CALCRL: variants seen among roughly 807,000 people sequenced by gnomAD.
The protein encoded by CALCRL is calcitonin receptor like receptor, also known as calcitonin gene-related peptide type 1 receptor.
Under a neutral mutation model 60.4 loss-of-function variants are expected in CALCRL, and 27 were observed. That is an observed-to-expected ratio of 0.45 (90% CI 0.33 to 0.62). CALCRL has a LOEUF of 0.62. Ranked by LOEUF, CALCRL falls within the 20% of genes least tolerant of loss-of-function variation. The pLI is 0.03. For missense variants in CALCRL, 424 were observed against 540.7 expected (o/e 0.78, Z 2.14); for synonymous variants, 190 against 182.6 (o/e 1.04, Z -0.33).
At chr2:187,379,649 G>T (rs1207135354) in intron 7 of CALCRL, among the ~76,000 whole-genome samples, 1 of 152,046 alleles carries the variant, frequency 6.6e-6, no homozygotes, top group Non-Finnish European at 1.5e-5. Flanking sequence ...TGAATAAGCT[G>T]GGAATATGTT....
At chr2:187,401,818 TG>T (rs1478123529) in intron 1 of CALCRL, among the ~76,000 whole-genome samples, 13 of 151,460 alleles carry the variant, frequency 8.6e-5, no homozygotes, top group African/African-American at 2.7e-4. Context: ...CAAGAAAAAA[TG>T]TTGAACTTTG....
At chr2:187,371,709 C>T (rs1687530242) in intron 8 of CALCRL, among the ~76,000 whole-genome samples, 2 of 149,596 alleles carry the variant, frequency 1.3e-5, no homozygotes, top group South Asian at 4.3e-4. Flanking sequence ...GCACTCCAGC[C>T]TGGGCGACAG....
intron 12 of CALCRL, among the ~76,000 whole-genome samples, chr2:187,353,484 T>C (rs967022148): frequency 6.6e-6 from 1 of 152,000 alleles, no homozygotes; most frequent in Admixed American, 6.6e-5. Flanking sequence ...TGGACACATG[T>C]GTCATAAAAA....
At position 187,350,634 on chromosome 2, in the gene CALCRL, A is replaced by T. The variant is rs1254056544; in HGVS notation, c.1170+1286T>A. Among the ~76,000 whole-genome samples the T allele has an allele frequency of 4.0e-5, 6 of 151,620 alleles. No homozygotes were observed. The Admixed American group carries it at 4.0e-4, about 10-fold the overall frequency. On this transcript the variant is annotated intron_variant, in intron 14 of 14. Transcript: ENST00000392370. Reference sequence around the variant, plus strand: ...TTGAGATATATTTTAATTAAAAACTAAACATTGAGTTTTATTATATGTCAA... The same window carrying T: ...TTGAGATATATTTTAATTAAAAACTTAACATTGAGTTTTATTATATGTCAA...
chr2:187,404,434 A>ATCATTTTTTAT (rs1192415777), intron 1 of CALCRL, among the ~76,000 whole-genome samples: 1 of 151,942 alleles, frequency 6.6e-6, no homozygotes, highest in Non-Finnish European at 1.5e-5. Context: ...GTTTTTTATA[A>ATCATTTTTTAT]AAGTTCAAAT....
intron 9 of CALCRL, among the ~76,000 whole-genome samples, chr2:187,361,182 G>GT (rs34602236): frequency 1 from 151,979 of 152,120 alleles, 75,919 homozygotes; most frequent in Middle Eastern, 1. Flanking sequence ...TACTTGAAAA[G>GT]TTTGCATATT....
chr2:187,362,957 G>A (rs149791371), intron 9 of CALCRL, among the ~76,000 whole-genome samples: 70 of 151,996 alleles, frequency 4.6e-4, no homozygotes, highest in African/African-American at 1.7e-3. Context: ...TTCGAATTAC[G>A]CAGAGTTCAT....
intron 1 of CALCRL, among the ~76,000 whole-genome samples, chr2:187,399,364 T>C (rs1341126243): frequency 6.6e-6 from 1 of 151,476 alleles, no homozygotes; most frequent in Non-Finnish European, 1.5e-5. Flanking sequence ...TATGGCGAGA[T>C]ATTCATACCC....
intron 14 of CALCRL, among the ~76,000 whole-genome samples, chr2:187,348,838 A>C (rs769120940): frequency 2.0e-5 from 3 of 151,724 alleles, no homozygotes; most frequent in Non-Finnish European, 3.0e-5. Flanking sequence ...TACTCTTAAT[A>C]AACTTTTAAT....
intron 1 of CALCRL, among the ~76,000 whole-genome samples, chr2:187,440,590 G>T: frequency 6.6e-6 from 1 of 152,110 alleles, no homozygotes; most frequent in Non-Finnish European, 1.5e-5. Context: ...CTGGAGTCAG[G>T]AAAGTTGAGA....
intron 4 of CALCRL, among the ~76,000 whole-genome samples, chr2:187,383,721 G>A (rs1231379142): frequency 6.6e-6 from 1 of 152,066 alleles, no homozygotes; most frequent in Non-Finnish European, 1.5e-5. Flanking sequence ...TTGTAAAATA[G>A]TATAAAATAG....
At position 187,379,043 on chromosome 2, in the gene CALCRL, A is replaced by G. The variant is rs773495322; in HGVS notation, c.409-12T>C. ...AAATTTAGTGCAGTCTGTAATTTGT[A>G]TAAACAAAAAAATTTGGTTCATATC... On this transcript the variant is annotated splice_polypyrimidine_tract_variant and intron_variant, in intron 7 of 14. Transcript: ENST00000392370. 6 of 1,542,278 alleles carry G rather than the reference A, an allele frequency of 3.9e-6. No homozygotes were observed. Among genetic ancestry groups the G allele is most frequent in the East Asian group, 2.3e-5 (1 of 44,428 alleles).
chr2:187,441,739 G>A (rs1690914501), intron 1 of CALCRL, among the ~76,000 whole-genome samples: 1 of 151,824 alleles, frequency 6.6e-6, no homozygotes, highest in African/African-American at 2.4e-5. Context: ...AATTTGTTTA[G>A]AAAAAGAGCA....
intron 9 of CALCRL, among the ~76,000 whole-genome samples, chr2:187,362,962 G>A (rs867118668): frequency 9.9e-5 from 15 of 152,136 alleles, no homozygotes; most frequent in Middle Eastern, 3.4e-3. Context: ...ATTACGCAGA[G>A]TTCATTGCTT....
In CALCRL at chr2:187,400,754, A is replaced by G. The variant is rs1041728608; in HGVS notation, c.-292-12998T>C. 4.6e-5 allele frequency among the ~76,000 whole-genome samples: 7 copies of G among 151,430 alleles called. No individual in the cohort carries two copies. In the East Asian group the frequency reaches 1.4e-3, roughly 29 times the overall value. On this transcript the variant is annotated intron_variant, in intron 1 of 14. Transcript: ENST00000392370. The stretch of plus-strand genomic sequence containing the variant: ...TACAGCATGAATAAACCTTGTAAAC[A>G]TTATGCAAAGTGAAAAAAGACAGTA...
chr2:187,375,793 A>G (rs1687732715), intron 8 of CALCRL, among the ~76,000 whole-genome samples: 1 of 152,168 alleles, frequency 6.6e-6, no homozygotes, highest in African/African-American at 2.4e-5. Flanking sequence ...GCACTTCTCT[A>G]TAGATGAAAT....
intron 1 of CALCRL, among the ~76,000 whole-genome samples, chr2:187,419,023 ATTTTTTTTT>A (rs33929530): frequency 7.0e-5 from 6 of 85,986 alleles, no homozygotes; most frequent in African/African-American, 2.4e-4. Context: ...CGTCTGGCTA[ATTTTTTTTT>A]TTTTTTTTTT....
At chr2:187,432,968 G>A (rs1690464871) in intron 1 of CALCRL, among the ~76,000 whole-genome samples, 1 of 152,076 alleles carries the variant, frequency 6.6e-6, no homozygotes, top group African/African-American at 2.4e-5. Context: ...TAGATGTGTA[G>A]TAGGCTATCC....
intron 12 of CALCRL, among the ~76,000 whole-genome samples, chr2:187,356,085 T>A (rs1352652577): frequency 6.6e-6 from 1 of 152,178 alleles, no homozygotes; most frequent in Non-Finnish European, 1.5e-5. Context: ...CAAAGTAATT[T>A]ATAGATTCAA....
Sources: allele counts gnomAD v4.1 joint callset (sites outside exome capture counted in the v4.1 genomes callset), GRCh38; gene constraint gnomAD v4.1.1; transcripts MANE v1.5; gene names NCBI Gene and HGNC (gene_info 2026-07-23, HGNC 2026-07-21).